Variants in FMN1 observed in about 807,000 individuals in gnomAD.
FMN1 encodes formin 1.
A neutral mutation model predicts 132.4 loss-of-function variants in FMN1; 110 were observed. That is an observed-to-expected ratio of 0.83 (90% CI 0.71 to 0.97). The LOEUF is 0.97. Ranked by LOEUF, FMN1 falls within the 50% of genes least tolerant of loss-of-function variation. The pLI is 0.00. For missense variants in FMN1, 1,792 were observed against 1,705.3 expected (o/e 1.05, Z -0.90); for synonymous variants, 722 against 651.7 (o/e 1.11, Z -1.64).
At chr15:33,084,127 T>G (rs2038597681) in intron 5 of FMN1, among the ~76,000 whole-genome samples, 1 of 152,218 alleles carries the variant, frequency 6.6e-6, no homozygotes, top group Admixed American at 6.5e-5. Flanking sequence ...GTATATTCAG[T>G]CAAGCAGCCC....
chr15:33,106,427 A>G (rs913632361), intron 4 of FMN1, among the ~76,000 whole-genome samples: 2 of 152,006 alleles, frequency 1.3e-5, no homozygotes, highest in Admixed American at 1.3e-4. Flanking sequence ...AAGTGTATAA[A>G]CATCATTTAA....
At chr15:33,068,514 C>T (rs1052256385) in intron 5 of FMN1, among the ~76,000 whole-genome samples, 1 of 152,156 alleles carries the variant, frequency 6.6e-6, no homozygotes, top group African/African-American at 2.4e-5. Context: ...ACTAGCAGTA[C>T]ACCCAGATCA....
chr15:32,920,999 C>G (rs575382874), intron 10 of FMN1, among the ~76,000 whole-genome samples: 1 of 152,194 alleles, frequency 6.6e-6, no homozygotes, highest in African/African-American at 2.4e-5. Context: ...GGGTGCCAGA[C>G]ACAGGTGCAA....
intron 2 of FMN1, among the ~76,000 whole-genome samples, chr15:33,186,810 TG>T (rs1965903768): frequency 6.6e-6 from 1 of 152,234 alleles, no homozygotes; most frequent in African/African-American, 2.4e-5. Context: ...GGCCAAGAGT[TG>T]GAAGAAGAGA....
chr15:33,038,784 T>C (rs1455045756), intron 6 of FMN1, among the ~76,000 whole-genome samples: 1 of 152,208 alleles, frequency 6.6e-6, no homozygotes, highest in Non-Finnish European at 1.5e-5. Context: ...TCACCTGTTG[T>C]TGGAAATTGG....
At chr15:32,912,345 C>A (rs1428294482) in intron 10 of FMN1, among the ~76,000 whole-genome samples, 2 of 152,156 alleles carry the variant, frequency 1.3e-5, no homozygotes, top group Non-Finnish European at 1.5e-5. Flanking sequence ...GGACTGAGAA[C>A]AACCATGGGC....
intron 5 of FMN1, chr15:33,067,054 G>GA (rs34563484): frequency 3.1e-6 from 5 of 1,613,940 alleles, no homozygotes; most frequent in Non-Finnish European, 4.2e-6. Flanking sequence ...GAAGCCCACT[G>GA]AAAAAAGCTG....
chr15:33,013,480 T>G (rs1203264240), intron 6 of FMN1, among the ~76,000 whole-genome samples: 1 of 112,948 alleles, frequency 8.9e-6, no homozygotes, highest in Non-Finnish European at 2.2e-5. Context: ...CAGGAGAAGA[T>G]GAACCAAGTT....
intron 5 of FMN1, among the ~76,000 whole-genome samples, chr15:33,075,879 T>A (rs1443955350): frequency 6.6e-6 from 1 of 152,196 alleles, no homozygotes; most frequent in African/African-American, 2.4e-5. Flanking sequence ...GTCAATTCAT[T>A]AGACTTCAAA....
chr15:33,094,294 C>T (rs1234775198), intron 4 of FMN1, among the ~76,000 whole-genome samples: 1 of 152,130 alleles, frequency 6.6e-6, no homozygotes, highest in Non-Finnish European at 1.5e-5. Context: ...TTTCAGAAGA[C>T]TTTTCCTGGG....
chr15:33,127,727 GT>G (rs1193811942), intron 4 of FMN1, among the ~76,000 whole-genome samples: 2 of 152,178 alleles, frequency 1.3e-5, no homozygotes, highest in East Asian at 3.9e-4. Context: ...TTTCAGGCAG[GT>G]TATATTGTAA....
chr15:32,911,477 A>C lies in FMN1; in HGVS notation c.3227-942T>G, dbSNP rs148815949. Among the ~76,000 whole-genome samples the C allele has an allele frequency of 1.3e-3, 192 of 152,212 alleles. 1 individual carries two copies. Among genetic ancestry groups the C allele is most frequent in the African/African-American group, 4.3e-3 (178 of 41,518 alleles). ...TGCCTTAAAATTTTGCTCGTCAACT[A>C]TTTATTCTGTTCATTTGCATTACAC... On this transcript the variant is annotated intron_variant, in intron 10 of 20. Transcript: ENST00000616417.
At chr15:32,946,328 T>G (rs1233328191) in intron 9 of FMN1, among the ~76,000 whole-genome samples, 1 of 151,816 alleles carries the variant, frequency 6.6e-6, no homozygotes, top group African/African-American at 2.4e-5. Context: ...CCATGAAGAG[T>G]GAGCGTCTAC....
intron 7 of FMN1, among the ~76,000 whole-genome samples, chr15:32,992,267 T>G (rs961543155): frequency 4.6e-5 from 7 of 152,222 alleles, no homozygotes; most frequent in Non-Finnish European, 1.0e-4. Flanking sequence ...AATGGTCCTG[T>G]ATTGTATCCA....
intron 7 of FMN1, among the ~76,000 whole-genome samples, chr15:32,998,801 A>T (rs1254333480): frequency 2.6e-5 from 4 of 152,244 alleles, no homozygotes; most frequent in Non-Finnish European, 4.4e-5. Flanking sequence ...TGCATGAAGG[A>T]AATGTCTAAA....
chr15:33,116,720 T>C (rs977525040), intron 4 of FMN1, among the ~76,000 whole-genome samples: 2 of 151,880 alleles, frequency 1.3e-5, no homozygotes, highest in African/African-American at 4.8e-5. Flanking sequence ...CAAACATGAT[T>C]ATAAGATGCG....
At chr15:32,802,060 A>G (rs545691861) in intron 18 of FMN1, among the ~76,000 whole-genome samples, 10 of 152,384 alleles carry the variant, frequency 6.6e-5, no homozygotes, top group Non-Finnish European at 1.3e-4. Flanking sequence ...AACAAAGGTC[A>G]ATCATGCGAT....
At chr15:33,032,105 T>C (rs1280048375) in intron 6 of FMN1, among the ~76,000 whole-genome samples, 2 of 152,244 alleles carry the variant, frequency 1.3e-5, no homozygotes, top group Admixed American at 6.5e-5. Flanking sequence ...CTAAGCATTT[T>C]ACCTGACTTA....
intron 17 of FMN1, among the ~76,000 whole-genome samples, chr15:32,843,044 T>C (rs4779590): frequency 0.15 from 22,051 of 151,616 alleles, 1,959 homozygotes; most frequent in East Asian, 0.31. Context: ...GGAGAATCGC[T>C]TGAACTCAGG....
Sources: gnomAD v4.1 joint callset for allele counts (sites outside exome capture counted in the v4.1 genomes callset) on GRCh38, gnomAD v4.1.1 for gene constraint, MANE v1.5 for transcripts, NCBI Gene and HGNC (gene_info 2026-07-23, HGNC 2026-07-21) for gene names.